MKLN1: variants seen among roughly 807,000 people sequenced by gnomAD.
The protein encoded by MKLN1 is muskelin 1.
Under a neutral mutation model 99.0 loss-of-function variants are expected in MKLN1, and 18 were observed. The observed-to-expected ratio is 0.18, with a 90% CI of 0.13 to 0.27. The LOEUF is 0.27. Ranked by LOEUF, MKLN1 falls within the 10% of genes least tolerant of loss-of-function variation. The pLI, the probability that MKLN1 is intolerant of heterozygous loss-of-function variation, is 1.00. For missense variants in MKLN1, 621 were observed against 875.9 expected, an observed-to-expected ratio of 0.71 and a Z score of 3.67; for synonymous variants, 288 against 293.2, an observed-to-expected ratio of 0.98 and a Z score of 0.18.
At chr7:131,379,418 T>G (rs1053558334) in intron 2 of MKLN1, among the ~76,000 whole-genome samples, 2 of 151,992 alleles carry the variant, frequency 1.3e-5, no homozygotes, top group East Asian at 3.9e-4. Context: ...TTTAAAGAAA[T>G]AAAAGAAATT....
chr7:131,316,979 T>C (rs1798679803), intron 3 of MKLN1, among the ~76,000 whole-genome samples: 1 of 152,158 alleles, frequency 6.6e-6, no homozygotes, highest in South Asian at 2.1e-4. Context: ...AACCTACGAT[T>C]GATTGGTGTA....
At chr7:131,356,136 A>G (rs1799872297) in intron 1 of MKLN1, among the ~76,000 whole-genome samples, 1 of 151,158 alleles carries the variant, frequency 6.6e-6, no homozygotes, top group Non-Finnish European at 1.5e-5. Flanking sequence ...AGGGCCAAGC[A>G]AGCGACTTGA....
intron 8 of MKLN1, among the ~76,000 whole-genome samples, chr7:131,417,166 G>A (rs77108452): frequency 2.6e-4 from 39 of 152,190 alleles, no homozygotes; most frequent in African/African-American, 9.2e-4. Flanking sequence ...TTATAGGTTA[G>A]TGAAGGTGTA....
chr7:131,144,838 G>A lies in MKLN1; in HGVS notation c.-297+1897G>A, dbSNP rs532469410. ...ACTAAAAATACAAAATTAGCCAGGC[G>A]TGGTGGCACACGCCTGTAATCCCAG... On this transcript the variant is annotated intron_variant, in intron 2 of 7. Coordinates refer to the MKLN1 transcript ENST00000416992. 3.3e-5 allele frequency among the ~76,000 whole-genome samples: 5 copies of A among 152,180 alleles called. No individual in the cohort carries two copies. The South Asian group carries it at 6.2e-4, about 19-fold the overall frequency.
chr7:131,190,086 G>A (rs2116380265), intron 2 of MKLN1, among the ~76,000 whole-genome samples: 1 of 152,228 alleles, frequency 6.6e-6, no homozygotes, highest in East Asian at 1.9e-4. Context: ...CCTCAAAAAT[G>A]TTGGTTCCCT....
At chr7:131,257,382 A>G (rs1797672122) in intron 3 of MKLN1, among the ~76,000 whole-genome samples, 1 of 152,268 alleles carries the variant, frequency 6.6e-6, no homozygotes, top group South Asian at 2.1e-4. Flanking sequence ...CCAAGAAGAA[A>G]TTACAAAATA....
At chr7:131,450,638 G>C (rs1481615705) in intron 12 of MKLN1, among the ~76,000 whole-genome samples, 1 of 152,142 alleles carries the variant, frequency 6.6e-6, no homozygotes, top group Non-Finnish European at 1.5e-5. Flanking sequence ...TTTATAGATA[G>C]TGTGTTTTAA....
In MKLN1 at chr7:131,444,744, GT is replaced by G. The variant is rs1367337516; in HGVS notation, c.1396-1029del. ...AGTAGTAGTAGTAGTAGTAGTAGTA[GT>G]AGTAGTAGTAGTAGAAGAAGTAGTA... is the stretch of plus-strand genomic sequence containing the variant. On this transcript the variant is annotated intron_variant, in intron 11 of 17. Transcript: ENST00000352689. Among the ~76,000 whole-genome samples, 766 of 127,370 alleles carry G rather than the reference GT, an allele frequency of 6.0e-3. 7 individuals carry two copies. Among genetic ancestry groups the G allele is most frequent in the African/African-American group, 0.022 (648 of 28,874 alleles). The allele number at this position is 127,370 out of a possible 152,430, so 83.6% of individuals were successfully genotyped here.
rs1795084704 is a variant in MKLN1 at position 131,418,329 on chromosome 7, ATCGCACTC to A, written c.847+3620_847+3627del. 2.0e-5 allele frequency among the ~76,000 whole-genome samples: 3 copies of A among 150,106 alleles called. No homozygotes were observed. The South Asian group carries it at 6.3e-4, about 32-fold the overall frequency. On this transcript the variant is annotated intron_variant, in intron 8 of 17. Transcript: ENST00000352689. ...GGTTGCAGTGAGGCGAGATTGCGCC[ATCGCACTC>A]CAGCCTGGGAGACAAGAGCAAGACT...
At chr7:131,352,947 G>T (rs978006851) in intron 1 of MKLN1, among the ~76,000 whole-genome samples, 1 of 152,032 alleles carries the variant, frequency 6.6e-6, no homozygotes, top group Non-Finnish European at 1.5e-5. Flanking sequence ...TAGTTCTTCC[G>T]CTGCAAATAC....
chr7:131,266,573 A>G (rs1438290752), intron 3 of MKLN1, among the ~76,000 whole-genome samples: 2 of 152,180 alleles, frequency 1.3e-5, no homozygotes, highest in East Asian at 1.9e-4. Flanking sequence ...CTCACGTAAC[A>G]TAGTTCTACA....
chr7:131,174,121 C>T (rs948332965), intron 2 of MKLN1, among the ~76,000 whole-genome samples: 64 of 151,928 alleles, frequency 4.2e-4, no homozygotes, highest in African/African-American at 1.3e-3. Context: ...TACAGGTGCC[C>T]GCCACCGCAC....
chr7:131,189,598 T>A (rs917152284), intron 2 of MKLN1, among the ~76,000 whole-genome samples: 1 of 151,672 alleles, frequency 6.6e-6, no homozygotes, highest in African/African-American at 2.4e-5. Context: ...GGTATGAGAA[T>A]GTTCTTTCAG....
At chr7:131,306,506 C>T (rs1798470243) in intron 3 of MKLN1, among the ~76,000 whole-genome samples, 1 of 152,226 alleles carries the variant, frequency 6.6e-6, no homozygotes, top group Non-Finnish European at 1.5e-5. Flanking sequence ...AAGGAACTCA[C>T]TGGGAACTGG....
At chr7:131,354,195 A>C (rs944703279) in intron 1 of MKLN1, among the ~76,000 whole-genome samples, 1 of 152,074 alleles carries the variant, frequency 6.6e-6, no homozygotes, top group Admixed American at 6.6e-5. Flanking sequence ...GAATTACATT[A>C]AATTTGTAGG....
chr7:131,350,164 T>G (rs1250447120), intron 1 of MKLN1, among the ~76,000 whole-genome samples: 1 of 152,146 alleles, frequency 6.6e-6, no homozygotes, highest in Non-Finnish European at 1.5e-5. Flanking sequence ...TTCTAAATAC[T>G]TCAGTATACA....
chr7:131,425,099 G>C (rs1392001666), intron 8 of MKLN1, among the ~76,000 whole-genome samples: 1 of 152,164 alleles, frequency 6.6e-6, no homozygotes, highest in Non-Finnish European at 1.5e-5. Flanking sequence ...TTATGGGATA[G>C]ATACTGTATC....
Position 131,445,752 on chromosome 7 carries a change from T to C in MKLN1, c.1396-22T>C, listed in dbSNP as rs777561535. ...TGGAAGTGATAAGTTACTCCTTTCT[T>C]TTTTTTTTTCTTCTTTTTCAGAAAA... On this transcript the variant is annotated intron_variant, in intron 11 of 17. Transcript: ENST00000352689. 8 of 1,557,754 alleles carry C rather than the reference T, an allele frequency of 5.1e-6. No individual in the cohort carries two copies. The African/African-American group carries it at 8.3e-5, about 16-fold the overall frequency.
intron 3 of MKLN1, among the ~76,000 whole-genome samples, chr7:131,316,887 G>A (rs564872436): frequency 6.6e-6 from 1 of 152,240 alleles, no homozygotes; most frequent in African/African-American, 2.4e-5. Flanking sequence ...CTGAAATAAG[G>A]TGTGAAGACA....
Sources: allele counts gnomAD v4.1 joint callset (sites outside exome capture counted in the v4.1 genomes callset), GRCh38; gene constraint gnomAD v4.1.1; transcripts MANE v1.5; gene names NCBI Gene and HGNC (gene_info 2026-07-23, HGNC 2026-07-21).